The following NCAPG2 variants were observed in gnomAD, a reference collection of about 807,000 sequenced individuals.
NCAPG2 encodes non-SMC condensin II complex subunit G2, also known as condensin-2 complex subunit G2.
A neutral mutation model predicts 141.1 loss-of-function variants in NCAPG2; 53 were observed. The observed-to-expected ratio is 0.38, with a 90% CI of 0.30 to 0.47. The LOEUF (loss-of-function observed/expected upper bound fraction) is 0.47. Ranked by LOEUF, NCAPG2 falls within the 20% of genes least tolerant of loss-of-function variation. The pLI is 0.99. For synonymous variants in NCAPG2, 499 were observed against 490.7 expected, an observed-to-expected ratio of 1.02 and a Z score of -0.22; for missense variants, 1,087 against 1,389.0, an observed-to-expected ratio of 0.78 and a Z score of 3.46.
chr7:158,689,031 T>C (rs1834957628), intron 6 of NCAPG2, among the ~76,000 whole-genome samples: 2 of 152,182 alleles, frequency 1.3e-5, no homozygotes, highest in African/African-American at 4.8e-5. Context: ...TAGTCTCCCC[T>C]GGCACTGCCT....
intron 24 of NCAPG2, among the ~76,000 whole-genome samples, chr7:158,648,967 G>GACTACAATCACGC (rs1831279080): frequency 7.3e-6 from 1 of 137,126 alleles, no homozygotes. Context: ...TATAACCATG[G>GACTACAATCACGC]CAAATGGACT....
chr7:158,655,079 T>C (rs1192544627), intron 21 of NCAPG2, 39 bp downstream of exon 21: 23 of 1,554,472 alleles, frequency 1.5e-5, no homozygotes, highest in Non-Finnish European at 2.0e-5. Context: ...ATAACAAACT[T>C]GGTAAAGAGA....
chr7:158,643,556 G>A (rs190484677), intron 27 of NCAPG2, among the ~76,000 whole-genome samples: 1,527 of 152,314 alleles, frequency 0.01, 19 homozygotes, highest in Middle Eastern at 0.02. Context: ...AAAAAGCCAC[G>A]CTTTGGAAGT....
intron 2 of NCAPG2, 30 bp from the exon 3 acceptor site, chr7:158,693,527 C>T (rs537935791): frequency 1.3e-6 from 2 of 1,558,478 alleles, no homozygotes; most frequent in South Asian, 2.3e-5. Context: ...TGTCACATTT[C>T]AAATACAAAA....
intron 12 of NCAPG2, among the ~76,000 whole-genome samples, chr7:158,672,629 T>A (rs964884394): frequency 6.6e-6 from 1 of 151,950 alleles, no homozygotes; most frequent in Non-Finnish European, 1.5e-5. Flanking sequence ...GCGTGAGCCA[T>A]CATGCCTGGC....
At chr7:158,655,671 CAG>C (rs1831865021) in intron 19 of NCAPG2, among the ~76,000 whole-genome samples, 6 of 152,372 alleles carry the variant, frequency 3.9e-5, no homozygotes, top group South Asian at 2.1e-4. Context: ...TCACCGTCCA[CAG>C]CCCTTGCCCT....
At chr7:158,657,957 T>A (rs571430023) in intron 17 of NCAPG2, among the ~76,000 whole-genome samples, 2 of 151,826 alleles carry the variant, frequency 1.3e-5, no homozygotes. Context: ...GAAGGCAGCA[T>A]GCTCGTTAAG....
At chr7:158,659,210 T>G (rs1832276192) in intron 16 of NCAPG2, among the ~76,000 whole-genome samples, 1 of 149,922 alleles carries the variant, frequency 6.7e-6, no homozygotes, top group African/African-American at 2.5e-5. Flanking sequence ...ACGCCTGTAA[T>G]CCCAACTACT....
intron 9 of NCAPG2, among the ~76,000 whole-genome samples, chr7:158,681,059 TA>T (rs1834425113): frequency 6.6e-6 from 1 of 152,208 alleles, no homozygotes; most frequent in South Asian, 2.1e-4. Context: ...GGCCTTGGGC[TA>T]TAAAATGGTT....
At chr7:158,671,170 G>C (rs1360691008) in intron 13 of NCAPG2, among the ~76,000 whole-genome samples, 3 of 144,864 alleles carry the variant, frequency 2.1e-5, no homozygotes, top group Non-Finnish European at 4.5e-5. Flanking sequence ...GTGGGGCAGG[G>C]GGGTGGGGGT....
rs540654326 is a variant in NCAPG2 at position 158,635,114 on chromosome 7, C to T, written c.3381-3397G>A. On this transcript the variant is annotated intron_variant, in intron 27 of 27. Coordinates refer to ENST00000356309, the MANE Select transcript of NCAPG2 (RefSeq NM_017760.7). ...GCAGAATCAATTTTTTGAGAAAAAC[C>T]GTAAGATAAAAAGACAGTGTCTGTA... Among the ~76,000 whole-genome samples the T allele has an allele frequency of 5.3e-5, 8 of 152,144 alleles. No homozygotes were observed. In the East Asian group the frequency reaches 7.7e-4, roughly 15 times the overall value.
Position 158,631,617 on chromosome 7 carries a change from A to G in NCAPG2, c.*49T>C, listed in dbSNP as rs1181196222. 1 of 1,462,342 alleles carries G rather than the reference A, an allele frequency of 6.8e-7. No homozygotes were observed. Among genetic ancestry groups the G allele is most frequent in the Non-Finnish European group, 9.6e-7 (1 of 1,044,712 alleles). The allele number at this position is 1,462,342 out of a possible 1,614,324, so 90.6% of individuals were successfully genotyped here. A position where few individuals can be genotyped will look rare whatever the true frequency, so the allele number is the denominator to read the frequency against. Reference sequence around the variant, plus strand: ...AATAGGAAAATACACAGGCATTTCAATTTGAATCACTTTTCCCTATTTTTA... The same window carrying G: ...AATAGGAAAATACACAGGCATTTCAGTTTGAATCACTTTTCCCTATTTTTA... On this transcript the variant is annotated 3_prime_UTR_variant, in exon 28 of 28. Coordinates refer to ENST00000356309, the MANE Select transcript of NCAPG2 (RefSeq NM_017760.7).
At chr7:158,689,693 T>C (rs1373950767) in intron 6 of NCAPG2, 126 bp downstream of exon 6, 2 of 763,520 alleles carry the variant, frequency 2.6e-6, no homozygotes, top group Non-Finnish European at 3.8e-6. Context: ...AAAAATCATG[T>C]GCAGTAAATA....
rs556863196 is a variant in NCAPG2, at chr7:158,664,351, ACTAT to A, written c.1703-59_1703-56del. On this transcript the variant is annotated intron_variant, in intron 14 of 27. Transcript: ENST00000356309. ...TGGATGTGTTTCTTCTACAAAATTAACTATCTGATAGTGAAATTATAATCCCAAT... is the reference window on the plus strand; with the variant it reads ...TGGATGTGTTTCTTCTACAAAATTAACTGATAGTGAAATTATAATCCCAAT... 264 of 1,545,704 alleles carry A rather than the reference ACTAT, an allele frequency of 1.7e-4. 1 individual carries two copies. The South Asian group carries it at 2.7e-3, about 16-fold the overall frequency.
chr7:158,651,389 A>C (rs1185860764), intron 23 of NCAPG2, among the ~76,000 whole-genome samples: 1 of 152,254 alleles, frequency 6.6e-6, no homozygotes, highest in Admixed American at 6.5e-5. Flanking sequence ...CAGGCACTTG[A>C]AACAAATTCA....
intron 2 of NCAPG2, among the ~76,000 whole-genome samples, chr7:158,694,766 C>T (rs1835341766): frequency 1.3e-5 from 2 of 152,018 alleles, no homozygotes; most frequent in Admixed American, 1.3e-4. Context: ...CCTCTCCTGC[C>T]CTGGTGTTTG....
In NCAPG2 at chr7:158,686,228, A is replaced by G; in HGVS notation, c.781T>C (p.Tyr261His). 6.4e-7 allele frequency: 1 copy of G among 1,568,850 alleles called. No individual in the cohort carries two copies. The highest frequency in any genetic ancestry group is 8.7e-7 in the Non-Finnish European group (1 of 1,155,366). Residue 261 changes from tyrosine to histidine, a missense_variant, in exon 8 of 28, where the codon TAC (tyrosine) becomes CAC (histidine). Tyr to His is a moderately conservative substitution (Grantham distance 83). Coordinates refer to ENST00000356309, the MANE Select transcript of NCAPG2 (RefSeq NM_017760.7). ...GCTCTGAAATAAATTTCTGCAATGT[A>G]TACCATCAAAGACCTATATAAAAAG... ...LQGLQKSLMV[Y>H]IAEIYFRAWK...
intron 13 of NCAPG2, 119 bp from the exon 14 acceptor site, chr7:158,664,869 T>A: frequency 2.5e-6 from 2 of 791,216 alleles, no homozygotes; most frequent in Non-Finnish European, 4.0e-6. Context: ...TTTAAAAAAA[T>A]TCACTTCGAA....
In NCAPG2 at chr7:158,687,294, T is replaced by G; in HGVS notation, c.767+54A>C. ...ACTTAAGAAGTCAGACCAAATGGAA[T>G]CTTTCAAAACCAGATTAAGACAGCA... On this transcript the variant is annotated intron_variant, in intron 7 of 27. Coordinates refer to ENST00000356309, the MANE Select transcript of NCAPG2 (RefSeq NM_017760.7). 23 of 1,266,594 alleles carry G rather than the reference T, an allele frequency of 1.8e-5. 1 individual carries two copies. The South Asian group carries it at 3.1e-4, about 17-fold the overall frequency. The allele number at this position is 1,266,594 out of a possible 1,614,324, so 78.5% of individuals were successfully genotyped here.
Sources: gnomAD v4.1 joint callset for allele counts (sites outside exome capture counted in the v4.1 genomes callset) on GRCh38, gnomAD v4.1.1 for gene constraint, MANE v1.5 for transcripts, NCBI Gene and HGNC (gene_info 2026-07-23, HGNC 2026-07-21) for gene names.